MAP3K14: variants seen among roughly 807,000 people sequenced by gnomAD.
The protein encoded by MAP3K14 is NF-kappa-beta-inducing kinase.
MAP3K14 carries 16 observed loss-of-function variants against 99.2 expected under a neutral mutation model. The observed-to-expected ratio is 0.16, with a 90% confidence interval of 0.11 to 0.24. The LOEUF (loss-of-function observed/expected upper bound fraction) is 0.24, where lower values mean the gene tolerates loss of function less well. MAP3K14 is among the 10% of genes least tolerant of loss of function. The pLI is 1.00. For missense variants in MAP3K14, 784 were observed against 1,208.7 expected, an observed-to-expected ratio of 0.65 and a Z score of 5.21; for synonymous variants, 462 against 492.4, an observed-to-expected ratio of 0.94 and a Z score of 0.82.
At chr17:45,280,260 T>C (rs1426369158) in intron 6 of MAP3K14, among the ~76,000 whole-genome samples, 3 of 151,796 alleles carry the variant, frequency 2.0e-5, no homozygotes, top group Non-Finnish European at 4.4e-5. Context: ...AATTATTCTT[T>C]AAAAATGTGT....
intron 11 of MAP3K14, among the ~76,000 whole-genome samples, chr17:45,270,033 A>G (rs771482226): frequency 6.6e-6 from 1 of 152,114 alleles, no homozygotes; most frequent in Non-Finnish European, 1.5e-5. Context: ...CTCCAGGTAG[A>G]TAGTGTTGGA....
At position 45,289,336 on chromosome 17, in the gene MAP3K14, G is replaced by A. The variant is rs139713296; in HGVS notation, c.257-31C>T. 391 of 1,588,936 alleles carry A rather than the reference G, an allele frequency of 2.5e-4. 3 individuals are homozygous for A. The East Asian group carries it at 6.7e-3, about 27-fold the overall frequency. ...GCAAAAGGAGTTGGATTAGCAGAGA[G>A]GAGAAAAAATAGGAATTTAGCACTT... On this transcript the variant is annotated intron_variant, in intron 2 of 15. Transcript: ENST00000344686.
intron 6 of MAP3K14, 128 bp from the exon 7 acceptor site, chr17:45,274,721 CTG>C: frequency 4.2e-6 from 5 of 1,185,828 alleles, no homozygotes; most frequent in Non-Finnish European, 5.8e-6. Flanking sequence ...ATGCAGGGGC[CTG>C]GGGGGCCTGC....
intron 6 of MAP3K14, among the ~76,000 whole-genome samples, chr17:45,280,875 TG>T (rs2044217190): frequency 6.6e-6 from 1 of 152,144 alleles, no homozygotes; most frequent in African/African-American, 2.4e-5. Flanking sequence ...CCTTCCAAAG[TG>T]CTGGGATTAC....
At chr17:45,277,410 C>T (rs1325013650) in intron 6 of MAP3K14, among the ~76,000 whole-genome samples, 1 of 152,134 alleles carries the variant, frequency 6.6e-6, no homozygotes, top group Non-Finnish European at 1.5e-5. Context: ...AGCTTGGAAG[C>T]GATCTTCACA....
In MAP3K14 at chr17:45,274,274, G is replaced by A. The variant is rs941185032; in HGVS notation, c.1421-20C>T. Reference sequence around the variant, plus strand: ...AGCCACCTAGGAGACCAAAGGCCAGGCTATACATGGGACTTGCCCGAGCCT... The same window carrying A: ...AGCCACCTAGGAGACCAAAGGCCAGACTATACATGGGACTTGCCCGAGCCT... On this transcript the variant is annotated intron_variant, in intron 7 of 15. Transcript: ENST00000344686. 15 of 1,596,102 alleles carry A rather than the reference G, an allele frequency of 9.4e-6. No homozygotes were observed. The highest frequency in any genetic ancestry group is 1.1e-5 in the Non-Finnish European group (13 of 1,171,180).
At chr17:45,290,465 G>T (rs1249361514) in intron 2 of MAP3K14, 25 bp downstream of exon 2, 1 of 1,612,434 alleles carries the variant, frequency 6.2e-7, no homozygotes, top group African/African-American at 1.3e-5. Flanking sequence ...CCTGCCCCGT[G>T]CCCACAACAA....
chr17:45,299,235 G>C (rs1159450665), intron 1 of MAP3K14, among the ~76,000 whole-genome samples: 4 of 152,130 alleles, frequency 2.6e-5, no homozygotes, highest in Non-Finnish European at 5.9e-5. Context: ...TAAAGTTCCA[G>C]ATGGCAGAAG....
intron 1 of MAP3K14, among the ~76,000 whole-genome samples, chr17:45,298,291 G>A (rs2044361026): frequency 1.3e-5 from 2 of 151,978 alleles, no homozygotes; most frequent in Admixed American, 6.6e-5. Context: ...AGGCAAGGAG[G>A]AAAAAAGAAG....
At chr17:45,299,219 TG>T (rs1050327941) in intron 1 of MAP3K14, among the ~76,000 whole-genome samples, 2 of 151,998 alleles carry the variant, frequency 1.3e-5, no homozygotes, top group African/African-American at 2.4e-5. Context: ...CCCAGACTCT[TG>T]GGGGTAAAGT....
rs774781511 is a variant in MAP3K14, at chr17:45,289,265, G to A, written c.297C>T (p.Arg99=). ...ACTGTTTGGACCCAGCGATGAAAAT[G>A]CGTTCTGAAAAGGTGGGGCTGAACT... ...SQEFSPTFSE[R]IFIAGSKQYS... is the part of the protein sequence containing the mutation. The change falls in exon 3 of 16, where the codon CGC becomes CGT. Residue 99 remains arginine, a synonymous_variant. Transcript: ENST00000344686. The A allele has an allele frequency of 3.7e-6, 6 of 1,614,008 alleles. No homozygotes were observed. The highest frequency in any genetic ancestry group is 5.1e-6 in the Non-Finnish European group (6 of 1,179,870).
chr17:45,293,454 G>A (rs2143836386), intron 1 of MAP3K14, among the ~76,000 whole-genome samples: 1 of 152,308 alleles, frequency 6.6e-6, no homozygotes, highest in South Asian at 2.1e-4. Context: ...AGCACACCAG[G>A]CTCCCCTCTT....
chr17:45,269,616 T>G (rs1390914196), intron 11 of MAP3K14, among the ~76,000 whole-genome samples: 1 of 152,084 alleles, frequency 6.6e-6, no homozygotes, highest in African/African-American at 2.4e-5. Flanking sequence ...GTTAAGCGGT[T>G]CGCCAATGGC....
chr17:45,311,805 C>T (rs1443637523), intron 1 of MAP3K14, among the ~76,000 whole-genome samples: 1 of 152,196 alleles, frequency 6.6e-6, no homozygotes, highest in Non-Finnish European at 1.5e-5. Context: ...GGGCTTGTCT[C>T]TCTGCTCTCT....
At chr17:45,313,945 C>A (rs2044506425) in intron 1 of MAP3K14, among the ~76,000 whole-genome samples, 1 of 152,122 alleles carries the variant, frequency 6.6e-6, no homozygotes, top group African/African-American at 2.4e-5. Context: ...TGTCCCTGCC[C>A]TTCTTCACAT....
chr17:45,270,930 G>A, intron 10 of MAP3K14, 128 bp downstream of exon 10: 1 of 1,290,448 alleles, frequency 7.7e-7, no homozygotes, highest in Non-Finnish European at 1.1e-6. Flanking sequence ...TTTGAATTAG[G>A]ATCCCACATG....
At chr17:45,293,424 CTGT>C (rs1342124401) in intron 1 of MAP3K14, among the ~76,000 whole-genome samples, 1 of 152,198 alleles carries the variant, frequency 6.6e-6, no homozygotes, top group Non-Finnish European at 1.5e-5. Context: ...AGGTAGGCAG[CTGT>C]CCAGCGCCCC....
intron 2 of MAP3K14, 54 bp from the exon 3 acceptor site, chr17:45,289,359 C>A: frequency 7.0e-7 from 1 of 1,427,790 alleles, no homozygotes; most frequent in Non-Finnish European, 9.9e-7. Flanking sequence ...GAATTTAGCA[C>A]TTAGGGGAGA....
rs202201840 is a variant in MAP3K14, at chr17:45,267,585, G to T, written c.2147C>A (p.Pro716His). 4 of 1,613,042 alleles carry T rather than the reference G, an allele frequency of 2.5e-6. No homozygotes were observed. The African/African-American group carries it at 5.3e-5, about 22-fold the overall frequency. The change falls in exon 12 of 16, where the codon CCT becomes CAT. Residue 716 changes from proline (P) to histidine (H), a missense_variant. Physicochemically the swap from Pro to His is moderately conservative, Grantham distance 77. Coordinates refer to ENST00000344686, the MANE Select transcript of MAP3K14 (RefSeq NM_003954.5). This position sits in a 1 kb window ranked among gnomAD's most constrained non-coding sequence, Gnocchi z 5.1. Reference protein sequence around the residue: ...TTGRAPKLQPPLPPEPPEPNK... With the variant: ...TTGRAPKLQPHLPPEPPEPNK... ...TGGCTCTGGGGGCTCTGGTGGGAGA[G>T]GAGGCTGGAGCTTAGGGGCTCTGCC...
Sources: allele counts gnomAD v4.1 joint callset (sites outside exome capture counted in the v4.1 genomes callset), GRCh38; gene constraint gnomAD v4.1.1; non-coding constraint Gnocchi (gnomAD v3.1); transcripts MANE v1.5; gene names NCBI Gene and HGNC (gene_info 2026-07-23, HGNC 2026-07-21).